Variants in KCNH1 observed in about 807,000 individuals in gnomAD.
KCNH1 encodes the protein potassium voltage-gated channel subfamily H member 1.
Under a neutral mutation model 69.2 loss-of-function variants are expected in KCNH1, and 27 were observed. The ratio of observed to expected loss-of-function variants is 0.39; its 90% CI spans 0.29 to 0.54. The LOEUF is 0.54. Among genes scored for constraint, KCNH1 ranks in the 20% least tolerant of loss-of-function variants. KCNH1 has a pLI of 0.68. For synonymous variants in KCNH1, 456 were observed against 487.7 expected (o/e 0.93, Z 0.86); for missense variants, 798 against 1,261.6 (o/e 0.63, Z 5.57).
intron 6 of KCNH1, among the ~76,000 whole-genome samples, chr1:210,999,952 C>T (rs1010116783): frequency 6.6e-6 from 1 of 152,140 alleles, no homozygotes; most frequent in Admixed American, 6.5e-5. Flanking sequence ...AGACCTTTGA[C>T]AAAATTCAAC....
At chr1:210,701,417 TAC>T (rs1472061797) in intron 10 of KCNH1, among the ~76,000 whole-genome samples, 2 of 152,126 alleles carry the variant, frequency 1.3e-5, no homozygotes, top group Non-Finnish European at 2.9e-5. Flanking sequence ...TAGGTGAGAA[TAC>T]TGAGGCCCAG....
chr1:211,089,342 G>A (rs1182197433), intron 4 of KCNH1, among the ~76,000 whole-genome samples: 1 of 152,190 alleles, frequency 6.6e-6, no homozygotes, highest in Non-Finnish European at 1.5e-5. Context: ...TGTAAGAAAA[G>A]GGAGACTTCA....
At chr1:211,008,866 G>C (rs1468632714) in intron 6 of KCNH1, among the ~76,000 whole-genome samples, 2 of 152,166 alleles carry the variant, frequency 1.3e-5, no homozygotes, top group African/African-American at 2.4e-5. Context: ...AAGGAGATTA[G>C]CTATAACAAA....
chr1:211,123,353 G>C (rs1691721686), intron 1 of KCNH1, among the ~76,000 whole-genome samples: 1 of 152,194 alleles, frequency 6.6e-6, no homozygotes, highest in Non-Finnish European at 1.5e-5. Context: ...TGACCACCTT[G>C]TTTCTAAGGT....
rs145815676 is a variant in KCNH1, at chr1:211,096,908, A to AATAAT, written c.311-6223_311-6219dup. ...CAGGCCTCAAAAGAAAAACAATAAA[A>AATAAT]ATAATATCATTCATTGAGTACTTAC... is the stretch of plus-strand genomic sequence containing the variant. On this transcript the variant is annotated intron_variant, in intron 3 of 10. Coordinates refer to ENST00000271751, the MANE Select transcript of KCNH1 (RefSeq NM_172362.3). Among the ~76,000 whole-genome samples, 449 of 152,358 alleles carry AATAAT rather than the reference A, an allele frequency of 2.9e-3. 1 individual carries two copies. The highest frequency in any genetic ancestry group is 0.01 in the African/African-American group (435 of 41,590).
chr1:210,965,738 T>A (rs1178713445), intron 6 of KCNH1, among the ~76,000 whole-genome samples: 1 of 151,908 alleles, frequency 6.6e-6, no homozygotes, highest in Non-Finnish European at 1.5e-5. Flanking sequence ...AGAGAGGACA[T>A]AAACAAATTG....
intron 7 of KCNH1, among the ~76,000 whole-genome samples, chr1:210,804,385 C>T (rs148086510): frequency 2.2e-4 from 33 of 152,276 alleles, no homozygotes; most frequent in South Asian, 1.4e-3. Context: ...CTAGGAGAAA[C>T]GTGTGGGAGA....
At chr1:210,811,599 G>A (rs1409090037) in intron 7 of KCNH1, among the ~76,000 whole-genome samples, 1 of 152,120 alleles carries the variant, frequency 6.6e-6, no homozygotes, top group Non-Finnish European at 1.5e-5. Context: ...GGGGTAATCA[G>A]ATATAAACAT....
chr1:211,040,993 T>C (rs1689985189), intron 5 of KCNH1, among the ~76,000 whole-genome samples: 2 of 152,216 alleles, frequency 1.3e-5, no homozygotes, highest in South Asian at 2.1e-4. Context: ...CCTCTCCTTT[T>C]TCTTCCCATC....
chr1:210,790,062 T>C (rs1458508588), intron 9 of KCNH1, among the ~76,000 whole-genome samples: 5 of 152,234 alleles, frequency 3.3e-5, no homozygotes, highest in Admixed American at 6.5e-5. Context: ...GCTGGGGCCA[T>C]GGGCAGAAGC....
rs376387764 is a variant in KCNH1 at position 211,018,855 on chromosome 1, G to A, written c.960C>T (p.Ala320=). ...CAATCTTCCCTGGATCACCCATAAA[G>A]GCACTAACCTCATCCACGTTCTCAA... ...NAFENVDEVS[A]FMGDPGKIGF... is the part of the protein sequence containing the mutation. Residue 320 remains alanine, a synonymous_variant, in exon 6 of 11, where the codon GCC becomes GCT. Transcript: ENST00000271751. The A allele has an allele frequency of 5.6e-6, 9 of 1,613,908 alleles. No homozygotes were observed. The highest frequency in any genetic ancestry group is 7.6e-6 in the Non-Finnish European group (9 of 1,179,966).
chr1:210,889,204 C>G (rs1423216325), intron 7 of KCNH1, among the ~76,000 whole-genome samples: 1 of 152,172 alleles, frequency 6.6e-6, no homozygotes, highest in African/African-American at 2.4e-5. Flanking sequence ...AGCTTCTCCA[C>G]CACGATCAAG....
chr1:210,914,501 A>G (rs1446953524), intron 7 of KCNH1, among the ~76,000 whole-genome samples: 1 of 152,126 alleles, frequency 6.6e-6, no homozygotes, highest in Non-Finnish European at 1.5e-5. Context: ...TGAGGCCACA[A>G]AAGATACTGC....
intron 10 of KCNH1, among the ~76,000 whole-genome samples, chr1:210,721,898 G>A (rs1682474475): frequency 6.6e-6 from 1 of 152,214 alleles, no homozygotes; most frequent in South Asian, 2.1e-4. Flanking sequence ...TGTGGTTCCA[G>A]GAAGAGACTA....
At position 210,688,197 on chromosome 1, in the gene KCNH1, A is replaced by C. The variant is rs576324758; in HGVS notation, c.2113-4059T>G. 3.3e-5 allele frequency among the ~76,000 whole-genome samples: 5 copies of C among 152,338 alleles called. No individual in the cohort carries two copies. In the South Asian group the frequency reaches 1.0e-3, roughly 32 times the overall value. ...CCCCAGATCCACTCTTTTGAATGAA[A>C]GAACCCCGTCTGGAAAACACTAAAA... On this transcript the variant is annotated intron_variant, in intron 10 of 10. Transcript: ENST00000271751.
intron 5 of KCNH1, among the ~76,000 whole-genome samples, chr1:211,059,105 C>G (rs1490417198): frequency 6.8e-6 from 1 of 147,552 alleles, no homozygotes; most frequent in Non-Finnish European, 1.5e-5. Context: ...ATGGTGAAAC[C>G]CTGTCTCTAC....
chr1:210,860,364 G>A, intron 7 of KCNH1: 1 of 1,430,702 alleles, frequency 7.0e-7, no homozygotes, highest in Non-Finnish European at 9.9e-7. Context: ...CAGTACCAAT[G>A]ACCTGTAAGC....
intron 5 of KCNH1, among the ~76,000 whole-genome samples, chr1:211,059,756 TGAGAGA>T (rs56144734): frequency 6.8e-6 from 1 of 146,468 alleles, no homozygotes; most frequent in African/African-American, 2.6e-5. Context: ...AAAAAAAGAG[TGAGAGA>T]GAGAGAGAGA....
intron 10 of KCNH1, among the ~76,000 whole-genome samples, chr1:210,708,940 C>G (rs932816133): frequency 4.6e-5 from 7 of 152,076 alleles, no homozygotes; most frequent in Admixed American, 4.6e-4. Context: ...ATCCTTAATC[C>G]GAAATGACAG....
Sources: gnomAD v4.1 joint callset for allele counts (sites outside exome capture counted in the v4.1 genomes callset) on GRCh38, gnomAD v4.1.1 for gene constraint, MANE v1.5 for transcripts, NCBI Gene and HGNC (gene_info 2026-07-23, HGNC 2026-07-21) for gene names.